Variants in CCDC60 observed in about 807,000 individuals in gnomAD.
The protein encoded by CCDC60 is coiled-coil domain containing 60.
A neutral mutation model predicts 63.5 loss-of-function variants in CCDC60; 54 were observed. The observed-to-expected ratio is 0.85, with a 90% CI of 0.68 to 1.07. The LOEUF (loss-of-function observed/expected upper bound fraction) is 1.07, where lower values mean the gene tolerates loss of function less well. CCDC60 is among the 50% of genes least tolerant of loss of function. CCDC60 has a pLI of 0.00. For missense variants in CCDC60, 651 were observed against 684.3 expected (o/e 0.95, Z 0.54); for synonymous variants, 206 against 238.8 (o/e 0.86, Z 1.27).
At chr12:119,532,014 G>A (rs529507954) in intron 13 of CCDC60, among the ~76,000 whole-genome samples, 3 of 152,270 alleles carry the variant, frequency 2.0e-5, no homozygotes, top group East Asian at 3.9e-4. Flanking sequence ...ACAGGCTATG[G>A]AGCGTTTGAC....
intron 1 of CCDC60, among the ~76,000 whole-genome samples, chr12:119,402,164 C>A (rs1276009214): frequency 6.6e-6 from 1 of 152,206 alleles, no homozygotes; most frequent in Non-Finnish European, 1.5e-5. Context: ...TTCTCCATCA[C>A]AAGCCTATGA....
chr12:119,506,594 G>T (rs1952013766), intron 7 of CCDC60, among the ~76,000 whole-genome samples: 1 of 151,994 alleles, frequency 6.6e-6, no homozygotes, highest in Non-Finnish European at 1.5e-5. Flanking sequence ...CCTGGGCAAT[G>T]GTGCAAGACC....
intron 1 of CCDC60, among the ~76,000 whole-genome samples, chr12:119,362,258 T>C (rs1270773355): frequency 6.6e-6 from 1 of 152,178 alleles, no homozygotes; most frequent in East Asian, 1.9e-4. Context: ...AGGTGTAAAT[T>C]ACATGCCATA....
intron 1 of CCDC60, among the ~76,000 whole-genome samples, chr12:119,351,867 T>C (rs1404966162): frequency 6.6e-6 from 1 of 152,204 alleles, no homozygotes; most frequent in East Asian, 1.9e-4. Context: ...CTCCAAACTG[T>C]TCCAAACTCT....
chr12:119,403,089 T>C (rs1189486524), intron 1 of CCDC60, among the ~76,000 whole-genome samples: 2 of 152,204 alleles, frequency 1.3e-5, no homozygotes, highest in African/African-American at 2.4e-5. Context: ...TTTACCAAGT[T>C]GATGGCCAAG....
intron 1 of CCDC60, among the ~76,000 whole-genome samples, chr12:119,346,812 CTTTCTTTCTTTCTTTCTTTCTTTT>C (rs1955600279): frequency 2.3e-5 from 3 of 131,024 alleles, no homozygotes; most frequent in African/African-American, 8.0e-5. Flanking sequence ...TTCTTTCTTT[CTTTCTTTCTTTCTTTCTTTCTTTT>C]TTTTTTGAGA....
chr12:119,519,759 G>T lies in CCDC60; in HGVS notation c.969-362G>T, dbSNP rs192092241. Among the ~76,000 whole-genome samples the T allele has an allele frequency of 7.2e-5, 11 of 151,990 alleles. No homozygotes were observed. In the East Asian group the frequency reaches 2.1e-3, roughly 30 times the overall value. ...ATCACAGGTGTGAACCATGACGCCT[G>T]GCCAGTAGCTATATTTTTTAAACAA... On this transcript the variant is annotated intron_variant, in intron 8 of 13. Coordinates refer to ENST00000327554, the MANE Select transcript of CCDC60 (RefSeq NM_178499.5).
chr12:119,532,475 G>T (rs1952879011), intron 13 of CCDC60, among the ~76,000 whole-genome samples: 1 of 150,296 alleles, frequency 6.7e-6, no homozygotes, highest in African/African-American at 2.4e-5. Context: ...TAACGTGAAG[G>T]TTTGTTACAT....
chr12:119,419,499 A>C (rs1438019721), intron 1 of CCDC60, among the ~76,000 whole-genome samples: 1 of 152,218 alleles, frequency 6.6e-6, no homozygotes, highest in Non-Finnish European at 1.5e-5. Context: ...CATGATGGTT[A>C]AAGTGGTGTC....
At chr12:119,505,977 C>T (rs1004518522) in intron 7 of CCDC60, among the ~76,000 whole-genome samples, 7 of 149,778 alleles carry the variant, frequency 4.7e-5, no homozygotes, top group East Asian at 1.9e-4. Flanking sequence ...CTTTGAAATT[C>T]GGTGTCTACT....
intron 1 of CCDC60, among the ~76,000 whole-genome samples, chr12:119,421,470 A>G (rs1168303039): frequency 2.0e-5 from 3 of 152,210 alleles, no homozygotes; most frequent in African/African-American, 7.2e-5. Flanking sequence ...CCATGAGTTC[A>G]AATCCAGGCT....
At chr12:119,363,109 TA>T (rs1955807460) in intron 1 of CCDC60, among the ~76,000 whole-genome samples, 1 of 151,856 alleles carries the variant, frequency 6.6e-6, no homozygotes, top group African/African-American at 2.4e-5. Context: ...AAAATAAAAA[TA>T]AAAAAGAAAG....
At chr12:119,358,728 T>A (rs2136161917) in intron 1 of CCDC60, among the ~76,000 whole-genome samples, 1 of 152,354 alleles carries the variant, frequency 6.6e-6, no homozygotes, top group African/African-American at 2.4e-5. Context: ...CATTTCACAA[T>A]GTTATGTTTA....
Position 119,528,631 on chromosome 12 carries a change from G to A in CCDC60, c.1246G>A (p.Gly416Ser). 1.2e-6 allele frequency: 2 copies of A among 1,613,546 alleles called. No homozygotes were observed. The highest frequency in any genetic ancestry group is 1.7e-6 in the Non-Finnish European group (2 of 1,179,724). Residue 416 changes from glycine (G) to serine (S), a missense_variant, in exon 12 of 14, where the codon GGT becomes AGT. By Grantham distance (56) the Gly-to-Ser change is moderately conservative. Transcript: ENST00000327554. ...EILMKRQEER[G>S]IQKFRAFVLV... The stretch of plus-strand genomic sequence containing the variant: ...ACCTTGTAGGCGCCAAGAAGAGAGA[G>A]GTATCCAGAAGTTCCGTGCTTTTGT...
intron 3 of CCDC60, among the ~76,000 whole-genome samples, chr12:119,478,368 C>T (rs955557538): frequency 6.6e-6 from 1 of 151,420 alleles, no homozygotes; most frequent in Non-Finnish European, 1.5e-5. Context: ...CCACCCCCCC[C>T]CAAAAAAAAT....
chr12:119,481,994 A>C (rs996976324), intron 4 of CCDC60, among the ~76,000 whole-genome samples: 1 of 110,226 alleles, frequency 9.1e-6, no homozygotes, highest in African/African-American at 3.2e-5. Flanking sequence ...ATGTATATAT[A>C]TATGTATATA....
chr12:119,511,905 C>T (rs921313281), intron 7 of CCDC60, among the ~76,000 whole-genome samples: 1 of 152,178 alleles, frequency 6.6e-6, no homozygotes, highest in African/African-American at 2.4e-5. Flanking sequence ...CTTCTGGACA[C>T]ACTCCAGAGA....
intron 3 of CCDC60, among the ~76,000 whole-genome samples, chr12:119,476,491 G>T (rs1324609218): frequency 6.6e-6 from 1 of 152,122 alleles, no homozygotes; most frequent in African/African-American, 2.4e-5. Context: ...CCTAATTTTT[G>T]TTAACTCTGT....
chr12:119,385,694 G>C (rs990159485), intron 1 of CCDC60, among the ~76,000 whole-genome samples: 1 of 152,190 alleles, frequency 6.6e-6, no homozygotes, highest in Non-Finnish European at 1.5e-5. Context: ...AGAAAGGTTG[G>C]AGTCTCTGTT....
Sources: allele counts gnomAD v4.1 joint callset (sites outside exome capture counted in the v4.1 genomes callset), GRCh38; gene constraint gnomAD v4.1.1; transcripts MANE v1.5; gene names NCBI Gene and HGNC (gene_info 2026-07-23, HGNC 2026-07-21).